RBFOX1: variants seen among roughly 807,000 people sequenced by gnomAD.
RBFOX1 encodes the protein RNA binding protein fox-1 homolog 1.
In RBFOX1, 8 loss-of-function variants were observed where a neutral mutation model predicts 57.7. That is an observed-to-expected ratio of 0.14 (90% CI 0.08 to 0.25). The LOEUF (loss-of-function observed/expected upper bound fraction) is 0.25, where lower values mean the gene tolerates loss of function less well. RBFOX1 is among the 10% of genes least tolerant of loss of function. RBFOX1 has a pLI of 1.00. For synonymous variants in RBFOX1, 326 were observed against 222.4 expected, an observed-to-expected ratio of 1.47 and a Z score of -4.15; for missense variants, 611 against 548.5, an observed-to-expected ratio of 1.11 and a Z score of -1.14.
intron 1 of RBFOX1, among the ~76,000 whole-genome samples, chr16:6,040,780 G>C (rs952684955): frequency 6.6e-6 from 1 of 152,040 alleles, no homozygotes; most frequent in Non-Finnish European, 1.5e-5. Context: ...ATTTTCAGTA[G>C]AGACTGGGTT....
At chr16:6,998,697 T>C (rs1403637167) in intron 3 of RBFOX1, among the ~76,000 whole-genome samples, 1 of 152,148 alleles carries the variant, frequency 6.6e-6, no homozygotes, top group Non-Finnish European at 1.5e-5. Context: ...TGAAGGATGT[T>C]TGATGATGGC....
intron 4 of RBFOX1, among the ~76,000 whole-genome samples, chr16:7,253,643 T>C (rs551055290): frequency 2.0e-5 from 3 of 152,304 alleles, no homozygotes; most frequent in Non-Finnish European, 4.4e-5. Flanking sequence ...TACATGACCA[T>C]CTTGCCTATG....
Position 7,012,365 on chromosome 16 carries a change from C to T in RBFOX1, c.-15-39692C>T, listed in dbSNP as rs1596976926. Among the ~76,000 whole-genome samples, 5 of 152,282 alleles carry T rather than the reference C, an allele frequency of 3.3e-5. No individual in the cohort carries two copies. In the South Asian group the frequency reaches 8.3e-4, roughly 25 times the overall value. Reference sequence around the variant, plus strand: ...GGACTGAATCAGGTCTCTTCAATTCCATCACCTTTTGTCTATGAAAGTACT... The same window carrying T: ...GGACTGAATCAGGTCTCTTCAATTCTATCACCTTTTGTCTATGAAAGTACT... On this transcript the variant is annotated intron_variant, in intron 3 of 15. Transcript: ENST00000550418.
intron 2 of RBFOX1, among the ~76,000 whole-genome samples, chr16:5,592,832 TGTCAGAGCCCTGGG>T (rs1312105512): frequency 3.3e-5 from 5 of 152,188 alleles, no homozygotes; most frequent in Admixed American, 1.3e-4. Flanking sequence ...CAAGGAGATA[TGTCAGAGCCCTGGG>T]GTCAGAACAC....
intron 3 of RBFOX1, among the ~76,000 whole-genome samples, chr16:6,873,156 A>G (rs946618859): frequency 6.6e-6 from 1 of 151,690 alleles, no homozygotes; most frequent in East Asian, 1.9e-4. Context: ...GCTCTATAGC[A>G]GACTTTCCTC....
At chr16:7,519,148 A>C (rs2077007559) in intron 5 of RBFOX1, among the ~76,000 whole-genome samples, 1 of 152,212 alleles carries the variant, frequency 6.6e-6, no homozygotes, top group African/African-American at 2.4e-5. Context: ...TGCCGGATGC[A>C]TCTAATTTCG....
At chr16:6,952,564 G>A (rs558607175) in intron 3 of RBFOX1, among the ~76,000 whole-genome samples, 1 of 152,104 alleles carries the variant, frequency 6.6e-6, no homozygotes, top group Admixed American at 6.5e-5. Flanking sequence ...CTTAGGCCTG[G>A]GAGATCAAGG....
chr16:6,483,065 G>T lies in RBFOX1; in HGVS notation c.-64+166008G>T, dbSNP rs891601099. 4.4e-6 allele frequency: 4 copies of T among 908,256 alleles called. No homozygotes were observed. The African/African-American group carries it at 7.2e-5, about 16-fold the overall frequency. The allele number at this position is 908,256 out of a possible 1,614,324, so 56.3% of individuals were successfully genotyped here. ...GCGGCGAGATACCGCAGCCAGCTCG[G>T]AGCTTTGCAAGTGCCTCCGACCCGT... On this transcript the variant is annotated intron_variant, in intron 2 of 15. Transcript: ENST00000550418.
chr16:5,303,768 G>A (rs2063863282), intron 1 of RBFOX1, among the ~76,000 whole-genome samples: 1 of 148,402 alleles, frequency 6.7e-6, no homozygotes, highest in Admixed American at 6.7e-5. Context: ...TCTTGTACCT[G>A]GACTCCTTTG....
At chr16:5,774,221 G>A (rs2054072334) in intron 3 of RBFOX1, among the ~76,000 whole-genome samples, 1 of 152,184 alleles carries the variant, frequency 6.6e-6, no homozygotes, top group African/African-American at 2.4e-5. Flanking sequence ...GCAATGGGAA[G>A]AGAAAGGGCC....
chr16:5,439,834 C>T lies in RBFOX1; in HGVS notation c.220-27382C>T, dbSNP rs538843806. Among the ~76,000 whole-genome samples the T allele has an allele frequency of 4.1e-4, 60 of 146,048 alleles. No individual in the cohort carries two copies. The South Asian group carries it at 0.011, about 26-fold the overall frequency. ...TGGCAGAAGGGGAAGCAAACATGTC[C>T]TTCTTCACATGGCAGCAGGTGAGTT... On this transcript the variant is annotated intron_variant, in intron 1 of 2. Coordinates refer to the RBFOX1 transcript ENST00000585867.
intron 3 of RBFOX1, among the ~76,000 whole-genome samples, chr16:5,834,696 T>TAGATAGAC (rs2056396938): frequency 8.4e-6 from 1 of 118,870 alleles, no homozygotes; most frequent in Non-Finnish European, 1.7e-5. Context: ...GGTAGATAGA[T>TAGATAGAC]AGATAGATAG....
chr16:7,407,096 A>G (rs958730274), intron 4 of RBFOX1, among the ~76,000 whole-genome samples: 3 of 152,082 alleles, frequency 2.0e-5, no homozygotes, highest in African/African-American at 7.2e-5. Flanking sequence ...TTTTGGGGGA[A>G]CGGGTGGTAT....
intron 1 of RBFOX1, among the ~76,000 whole-genome samples, chr16:6,208,896 G>A (rs996956436): frequency 2.6e-5 from 4 of 152,078 alleles, no homozygotes; most frequent in African/African-American, 9.7e-5. Context: ...CCCCTACAAG[G>A]AGGCTAAGTA....
chr16:5,330,882 G>A (rs938006094), intron 1 of RBFOX1, among the ~76,000 whole-genome samples: 1 of 152,078 alleles, frequency 6.6e-6, no homozygotes, highest in Admixed American at 6.6e-5. Context: ...ACTCAAGCCT[G>A]GTCCAATTCA....
intron 3 of RBFOX1, among the ~76,000 whole-genome samples, chr16:6,945,777 G>T (rs1025661070): frequency 6.6e-6 from 1 of 152,156 alleles, no homozygotes; most frequent in Admixed American, 6.5e-5. Context: ...TGTAATCCCA[G>T]CTACTTCGGA....
At chr16:7,441,862 C>T (rs375025133) in intron 4 of RBFOX1, among the ~76,000 whole-genome samples, 1 of 152,318 alleles carries the variant, frequency 6.6e-6, no homozygotes, top group East Asian at 1.9e-4. Flanking sequence ...CTGTCACAGG[C>T]ATTTGCCTCC....
intron 4 of RBFOX1, among the ~76,000 whole-genome samples, chr16:5,980,470 G>A (rs574560888): frequency 1.3e-5 from 2 of 152,282 alleles, no homozygotes; most frequent in South Asian, 4.2e-4. Flanking sequence ...CTGGCCCTGG[G>A]CAGACAGCAG....
intron 3 of RBFOX1, among the ~76,000 whole-genome samples, chr16:6,929,278 T>G (rs2076129745): frequency 6.6e-6 from 1 of 152,092 alleles, no homozygotes; most frequent in Admixed American, 6.5e-5. Context: ...GGATTAGAGG[T>G]AGGAAACTGG....
Sources: gnomAD v4.1 joint callset for allele counts (sites outside exome capture counted in the v4.1 genomes callset) on GRCh38, gnomAD v4.1.1 for gene constraint, MANE v1.5 for transcripts, NCBI Gene and HGNC (gene_info 2026-07-23, HGNC 2026-07-21) for gene names.